The following CLYBL variants were observed in gnomAD, a reference collection of about 807,000 sequenced individuals.
CLYBL encodes citramalyl-CoA lyase, mitochondrial.
Under a neutral mutation model 38.9 loss-of-function variants are expected in CLYBL, and 31 were observed. The observed-to-expected ratio is 0.80, with a 90% CI of 0.60 to 1.08. The LOEUF is 1.08. CLYBL is among the 50% of genes least tolerant of loss of function. The pLI is 0.00. For missense variants in CLYBL, 434 were observed against 411.6 expected (o/e 1.05, Z -0.47); for synonymous variants, 171 against 158.6 (o/e 1.08, Z -0.59).
chr13:99,872,761 T>C (rs2051940657), intron 7 of CLYBL, among the ~76,000 whole-genome samples: 1 of 152,226 alleles, frequency 6.6e-6, no homozygotes, highest in Non-Finnish European at 1.5e-5. Flanking sequence ...GAGTTTACCC[T>C]GAATTTCAGT....
chr13:99,631,361 G>GTGTT (rs934469351), intron 1 of CLYBL, among the ~76,000 whole-genome samples: 2 of 149,084 alleles, frequency 1.3e-5, no homozygotes, highest in Admixed American at 6.7e-5. Flanking sequence ...GTGTGTGTGT[G>GTGTT]TGTATGTATA....
At chr13:99,614,974 G>C (rs2046686761) in intron 1 of CLYBL, among the ~76,000 whole-genome samples, 1 of 152,178 alleles carries the variant, frequency 6.6e-6, no homozygotes, top group Admixed American at 6.5e-5. Flanking sequence ...CAGAATGTTT[G>C]AGTGGCACGA....
intron 2 of CLYBL, among the ~76,000 whole-genome samples, chr13:99,786,999 T>C (rs1284529956): frequency 6.6e-6 from 1 of 152,174 alleles, no homozygotes; most frequent in African/African-American, 2.4e-5. Flanking sequence ...GCTGCATAAA[T>C]GTCTTCTTTT....
chr13:99,615,514 A>G (rs913482858), intron 1 of CLYBL, among the ~76,000 whole-genome samples: 1 of 152,212 alleles, frequency 6.6e-6, no homozygotes, highest in African/African-American at 2.4e-5. Flanking sequence ...CCGTTACACA[A>G]TTCCTCATTA....
At chr13:99,691,742 C>T (rs1438955709) in intron 1 of CLYBL, among the ~76,000 whole-genome samples, 1 of 152,218 alleles carries the variant, frequency 6.6e-6, no homozygotes, top group Non-Finnish European at 1.5e-5. Context: ...TTCCTCCCTT[C>T]TTCCGCAGTC....
At chr13:99,888,212 A>G (rs2052399474) in intron 7 of CLYBL, among the ~76,000 whole-genome samples, 1 of 152,188 alleles carries the variant, frequency 6.6e-6, no homozygotes, top group African/African-American at 2.4e-5. Flanking sequence ...CACAATGTAC[A>G]TAGAGTTAAC....
chr13:99,853,566 A>G (rs1245621512), intron 2 of CLYBL, among the ~76,000 whole-genome samples: 1 of 152,216 alleles, frequency 6.6e-6, no homozygotes, highest in Non-Finnish European at 1.5e-5. Flanking sequence ...TGTGGAAAAA[A>G]TAACAGGATA....
At chr13:99,646,487 A>G (rs1165497326) in intron 1 of CLYBL, among the ~76,000 whole-genome samples, 2 of 149,442 alleles carry the variant, frequency 1.3e-5, no homozygotes, top group African/African-American at 4.9e-5. Context: ...CTCTGACTAT[A>G]GGAGCCAATT....
intron 7 of CLYBL, among the ~76,000 whole-genome samples, chr13:99,885,959 G>C (rs529750647): frequency 6.6e-6 from 1 of 152,284 alleles, no homozygotes; most frequent in Admixed American, 6.5e-5. Flanking sequence ...GGAGAAATTT[G>C]ATCACGGCCA....
chr13:99,643,364 ATC>A, intron 1 of CLYBL, among the ~76,000 whole-genome samples: 1 of 152,290 alleles, frequency 6.6e-6, no homozygotes, highest in South Asian at 2.1e-4. Context: ...ATGATTTGCC[ATC>A]TCTGTCTTTG....
rs58783944 is a variant in CLYBL, at chr13:99,849,191, T to C, written c.250-9670T>C. Among the ~76,000 whole-genome samples the C allele has an allele frequency of 9.8e-3, 1,485 of 151,696 alleles. 24 individuals carry two copies. The highest frequency in any genetic ancestry group is 0.033 in the African/African-American group (1,374 of 41,342). ...TATTGAGAAAGACAGTGTAAGCTTG[T>C]GGTACGTAAATACTCTGTCTTTTTT... On this transcript the variant is annotated intron_variant, in intron 2 of 8. Transcript: ENST00000339105. This position sits in a 1 kb window ranked among gnomAD's most constrained non-coding sequence, Gnocchi z 4.9.
In CLYBL at chr13:99,891,315, C is replaced by T; in HGVS notation, c.928-3C>T. 1 of 1,608,860 alleles carries T rather than the reference C, an allele frequency of 6.2e-7. No homozygotes were observed. Among genetic ancestry groups the T allele is most frequent in the Non-Finnish European group, 8.5e-7 (1 of 1,175,398 alleles). On this transcript the variant is annotated splice_polypyrimidine_tract_variant and splice_region_variant and intron_variant, in intron 7 of 8. Coordinates refer to ENST00000339105, the MANE Select transcript of CLYBL (RefSeq NM_206808.5). ...CAGGAAGTTTGTATTCTCTGTTTTC[C>T]AGGGGGCCTTTACTTTCCAAGGGAG...
At chr13:99,906,219 T>C (rs1886033) in intron 9 of CLYBL, among the ~76,000 whole-genome samples, 110,374 of 152,140 alleles carry the variant, frequency 0.73, 40,327 homozygotes, top group Middle Eastern at 0.77. Flanking sequence ...AGAAATAAAA[T>C]AAACAATAAA....
At chr13:99,699,969 G>C (rs2048039512) in intron 1 of CLYBL, among the ~76,000 whole-genome samples, 1 of 152,086 alleles carries the variant, frequency 6.6e-6, no homozygotes, top group African/African-American at 2.4e-5. Context: ...TCCAGCCTGG[G>C]CGACAGAGCG....
intron 1 of CLYBL, among the ~76,000 whole-genome samples, chr13:99,718,938 G>A (rs1245910799): frequency 6.6e-6 from 1 of 151,848 alleles, no homozygotes; most frequent in East Asian, 1.9e-4. Flanking sequence ...CGCCTCCTAG[G>A]TTCAAGCGAT....
intron 1 of CLYBL, among the ~76,000 whole-genome samples, chr13:99,723,650 C>T (rs766322199): frequency 2.0e-5 from 3 of 152,174 alleles, no homozygotes; most frequent in Non-Finnish European, 4.4e-5. Flanking sequence ...TATCCATGTT[C>T]CCATCCATGG....
intron 1 of CLYBL, among the ~76,000 whole-genome samples, chr13:99,704,826 A>C (rs1209586992): frequency 5.9e-5 from 9 of 152,294 alleles, no homozygotes; most frequent in Admixed American, 4.6e-4. Context: ...TTTCATATGC[A>C]CAGGTCATCT....
chr13:99,771,941 A>C (rs2049403931), intron 1 of CLYBL, among the ~76,000 whole-genome samples: 1 of 152,204 alleles, frequency 6.6e-6, no homozygotes, highest in Non-Finnish European at 1.5e-5. Context: ...GAAGAATCCA[A>C]AGTTACCAGT....
intron 1 of CLYBL, among the ~76,000 whole-genome samples, chr13:99,676,451 C>A (rs149912732): frequency 1.3e-5 from 2 of 151,820 alleles, no homozygotes; most frequent in Non-Finnish European, 2.9e-5. Flanking sequence ...CAGGCACCTG[C>A]CACCAGGCCT....
Sources: allele counts gnomAD v4.1 joint callset (sites outside exome capture counted in the v4.1 genomes callset), GRCh38; gene constraint gnomAD v4.1.1; non-coding constraint Gnocchi (gnomAD v3.1); transcripts MANE v1.5; gene names NCBI Gene and HGNC (gene_info 2026-07-23, HGNC 2026-07-21).